EFCAB13: variants seen among roughly 807,000 people sequenced by gnomAD.
EFCAB13 encodes the protein EF-hand calcium-binding domain-containing protein 13.
Under a neutral mutation model 110.2 loss-of-function variants are expected in EFCAB13, and 91 were observed. That is an observed-to-expected ratio of 0.83 (90% confidence interval 0.70 to 0.98). EFCAB13 has a LOEUF of 0.98. EFCAB13 is among the 50% of genes least tolerant of loss of function. EFCAB13 has a pLI of 0.00. For synonymous variants in EFCAB13, 323 were observed against 369.9 expected (o/e 0.87, Z 1.45); for missense variants, 968 against 1,119.4 (o/e 0.86, Z 1.93).
intron 9 of EFCAB13, among the ~76,000 whole-genome samples, chr17:47,357,527 G>A (rs2065487829): frequency 6.6e-6 from 1 of 152,130 alleles, no homozygotes; most frequent in African/African-American, 2.4e-5. Flanking sequence ...CAATTCTCCT[G>A]CCTCAGCCTC....
At chr17:47,413,643 C>A (rs1904326186) in intron 22 of EFCAB13, among the ~76,000 whole-genome samples, 1 of 152,080 alleles carries the variant, frequency 6.6e-6, no homozygotes, top group African/African-American at 2.4e-5. Context: ...ATGTTTTGAT[C>A]TCAGTTTTCT....
At chr17:47,344,724 T>C (rs185116303) in intron 7 of EFCAB13, among the ~76,000 whole-genome samples, 17 of 152,276 alleles carry the variant, frequency 1.1e-4, no homozygotes, top group African/African-American at 4.1e-4. Context: ...ATAACTTTCT[T>C]AAAAATTTGC....
chr17:47,428,285 A>T (rs1905027046), intron 23 of EFCAB13, among the ~76,000 whole-genome samples: 1 of 152,006 alleles, frequency 6.6e-6, no homozygotes, highest in Non-Finnish European at 1.5e-5. Context: ...GTAGTGTTCT[A>T]TGGCTCACAT....
intron 9 of EFCAB13, among the ~76,000 whole-genome samples, chr17:47,356,723 T>G (rs907150175): frequency 2.6e-5 from 4 of 152,160 alleles, no homozygotes; most frequent in Non-Finnish European, 4.4e-5. Flanking sequence ...CAAGAGCACA[T>G]CAGCTGCAGT....
intron 5 of EFCAB13, among the ~76,000 whole-genome samples, chr17:47,336,894 TA>T (rs2065354576): frequency 6.6e-6 from 1 of 152,238 alleles, no homozygotes; most frequent in South Asian, 2.1e-4. Context: ...AAAAAAAATC[TA>T]AAAGCCTCTG....
At chr17:47,342,145 CT>C (rs1254215038) in intron 6 of EFCAB13, 113 bp downstream of exon 6, 3 of 602,710 alleles carry the variant, frequency 5.0e-6, no homozygotes, top group Non-Finnish European at 8.7e-6. Context: ...TTAAATATCA[CT>C]ACCTGGTCTT....
In EFCAB13 at chr17:47,404,603, A is replaced by T; in HGVS notation, c.2203A>T (p.Arg735Trp). ...VNIKDCMRAL[R>W]DTQKFSNYID... ...CATTAAAGACTGTATGAGGGCTTTG[A>T]GGGACACCCAGAAATTTTCCAATTA... Residue 735 changes from arginine (R) to tryptophan (W), a missense_variant, in exon 20 of 25, where the codon AGG becomes TGG. By Grantham distance (101) the Arg-to-Trp change is moderately radical (BLOSUM62 -3). Transcript: ENST00000331493. 6.2e-7 allele frequency: 1 copy of T among 1,612,712 alleles called. No individual in the cohort carries two copies. Among genetic ancestry groups the T allele is most frequent in the South Asian group, 1.1e-5 (1 of 90,988 alleles).
intron 15 of EFCAB13, 41 bp from the exon 16 acceptor site, chr17:47,393,984 A>C: frequency 8.7e-7 from 1 of 1,147,672 alleles, no homozygotes; most frequent in East Asian, 2.5e-5. Context: ...TCATAATAAT[A>C]CTTAAAAGAT....
intron 8 of EFCAB13, among the ~76,000 whole-genome samples, chr17:47,345,642 C>T (rs1567782926): frequency 6.6e-6 from 1 of 152,176 alleles, no homozygotes; most frequent in Non-Finnish European, 1.5e-5. Context: ...TACCTTGATT[C>T]TCCTGACCAA....
intron 20 of EFCAB13, among the ~76,000 whole-genome samples, chr17:47,407,153 G>A (rs1180734190): frequency 6.6e-6 from 1 of 152,084 alleles, no homozygotes; most frequent in Non-Finnish European, 1.5e-5. Flanking sequence ...AGGAATGAAG[G>A]GGACTTTACT....
intron 24 of EFCAB13, among the ~76,000 whole-genome samples, chr17:47,439,615 T>C (rs1279048866): frequency 6.6e-6 from 1 of 152,210 alleles, no homozygotes; most frequent in Non-Finnish European, 1.5e-5. Context: ...GTTATTTTAC[T>C]TGCCTTACTT....
At chr17:47,337,081 C>G (rs914952170) in intron 5 of EFCAB13, among the ~76,000 whole-genome samples, 3 of 152,144 alleles carry the variant, frequency 2.0e-5, no homozygotes, top group African/African-American at 7.2e-5. Flanking sequence ...CACCACTACT[C>G]CTGTTTGTTA....
intron 24 of EFCAB13, among the ~76,000 whole-genome samples, chr17:47,435,363 A>G (rs996449495): frequency 7.2e-5 from 11 of 152,172 alleles, no homozygotes; most frequent in African/African-American, 2.7e-4. Flanking sequence ...AATGGCCATA[A>G]TTAAATTGAT....
rs963448590 is a variant in EFCAB13 at position 47,409,059 on chromosome 17, G to T, written c.2234-588G>T. On this transcript the variant is annotated intron_variant, in intron 20 of 24. Coordinates refer to ENST00000331493, the MANE Select transcript of EFCAB13 (RefSeq NM_152347.5). ...CTCTGTTTGTTTCAGGGTAATACCT[G>T]GGCTAGCTGTGAGTTATTCTAAACT... Among the ~76,000 whole-genome samples, 6 of 152,194 alleles carry T rather than the reference G, an allele frequency of 3.9e-5. No individual in the cohort carries two copies. The East Asian group carries it at 9.6e-4, about 24-fold the overall frequency.
intron 21 of EFCAB13, among the ~76,000 whole-genome samples, chr17:47,411,738 A>G (rs1197376509): frequency 6.6e-6 from 1 of 152,194 alleles, no homozygotes; most frequent in Non-Finnish European, 1.5e-5. Flanking sequence ...TTTTCAGCAT[A>G]TGGAAACATA....
At chr17:47,328,475 CAT>C in intron 4 of EFCAB13, 92 bp downstream of exon 4, 1 of 1,029,804 alleles carries the variant, frequency 9.7e-7, no homozygotes. Flanking sequence ...TAAGCAAATT[CAT>C]AGAGTAATAG....
chr17:47,410,338 G>T (rs2143464206), intron 21 of EFCAB13, among the ~76,000 whole-genome samples: 1 of 152,300 alleles, frequency 6.6e-6, no homozygotes, highest in East Asian at 1.9e-4. Context: ...ATCTATTCAT[G>T]AGGGCAGAGC....
rs758498203 is a variant in EFCAB13 at position 47,374,982 on chromosome 17, G to A, written c.1372+16G>A. 1 of 1,533,056 alleles carries A rather than the reference G, an allele frequency of 6.5e-7. No individual in the cohort carries two copies. The highest frequency in any genetic ancestry group is 8.7e-7 in the Non-Finnish European group (1 of 1,148,610). 95.0% of individuals were successfully genotyped at this position (1,533,056 alleles called of 1,614,324 possible). On this transcript the variant is annotated intron_variant, in intron 12 of 24. Coordinates refer to ENST00000331493, the MANE Select transcript of EFCAB13 (RefSeq NM_152347.5). ...AGTACTCTGGGTAAGTAAAAATCTA[G>A]GTTCTTGAGTTCTTCAGTCATCACA...
At chr17:47,397,794 G>A (rs892250520) in intron 17 of EFCAB13, among the ~76,000 whole-genome samples, 14 of 151,760 alleles carry the variant, frequency 9.2e-5, no homozygotes, top group South Asian at 2.1e-4. Context: ...CGTCTGAGAA[G>A]TGAGGAGCCC....
Sources: gnomAD v4.1 joint callset for allele counts (sites outside exome capture counted in the v4.1 genomes callset) on GRCh38, gnomAD v4.1.1 for gene constraint, MANE v1.5 for transcripts, NCBI Gene and HGNC (gene_info 2026-07-23, HGNC 2026-07-21) for gene names.